The following UPK1B variants were observed in gnomAD, a reference collection of about 807,000 sequenced individuals.
UPK1B encodes uroplakin-1b.
In UPK1B, 28 loss-of-function variants were observed where a neutral mutation model predicts 34.2. The ratio of observed to expected loss-of-function variants is 0.82; its 90% confidence interval spans 0.61 to 1.12. UPK1B has a LOEUF of 1.12. UPK1B is among the 50% of genes most tolerant of loss of function. The pLI, the probability that UPK1B is intolerant of heterozygous loss-of-function variation, is 0.00. For synonymous variants in UPK1B, 81 were observed against 110.4 expected (o/e 0.73, Z 1.67); for missense variants, 325 against 320.9 (o/e 1.01, Z -0.10).
At position 119,187,831 on chromosome 3, in the gene UPK1B, C is replaced by A; in HGVS notation, c.126C>A (p.Ser42Arg). 1.2e-6 allele frequency: 2 copies of A among 1,614,002 alleles called. No homozygotes were observed. The highest frequency in any genetic ancestry group is 1.3e-5 in the African/African-American group (1 of 74,950). Residue 42 changes from serine (S) to arginine (R), a missense_variant, in exon 3 of 8, where the codon AGC becomes AGA. By Grantham distance (110) the Ser-to-Arg change is moderately radical (BLOSUM62 -1). Coordinates refer to ENST00000264234, the MANE Select transcript of UPK1B (RefSeq NM_006952.4). ...TCTTCTTTGTATCTGACCAACACAG[C>A]CTCTACCCACTGCTTGAAGCCACCG... The part of the protein sequence containing the change: ...ECIFFVSDQH[S>R]LYPLLEATDN...
chr3:119,174,793 T>C (rs967019742), intron 1 of UPK1B, among the ~76,000 whole-genome samples: 3 of 152,034 alleles, frequency 2.0e-5, no homozygotes, highest in Non-Finnish European at 4.4e-5. Flanking sequence ...TTCTTTTTAT[T>C]AACCTTCTCA....
In UPK1B at chr3:119,187,978, A is replaced by G. The variant is rs1242803451; in HGVS notation, c.270+3A>G. 7.4e-6 allele frequency: 12 copies of G among 1,614,018 alleles called. No individual in the cohort carries two copies. The Admixed American group carries it at 2.0e-4, about 27-fold the overall frequency. ...CCAGCAGGAAAATTCTTCTGGCGGT[A>G]AGACCTCAAAATTCTCTGGAGTTGT... On this transcript the variant is annotated splice_donor_region_variant and intron_variant, in intron 3 of 7. Transcript: ENST00000264234.
chr3:119,203,240 C>G (rs2078100548), intron 7 of UPK1B, among the ~76,000 whole-genome samples: 1 of 144,966 alleles, frequency 6.9e-6, no homozygotes, highest in Non-Finnish European at 1.5e-5. Context: ...ACACAGGAGG[C>G]TGAGGCAGGA....
chr3:119,179,946 G>C (rs2077982015), intron 1 of UPK1B, among the ~76,000 whole-genome samples: 1 of 145,854 alleles, frequency 6.9e-6, no homozygotes, highest in African/African-American at 2.6e-5. Context: ...TTACAGGCAT[G>C]CGCCACCACC....
intron 7 of UPK1B, among the ~76,000 whole-genome samples, chr3:119,199,400 G>A (rs2078081690): frequency 6.6e-6 from 1 of 152,178 alleles, no homozygotes; most frequent in Non-Finnish European, 1.5e-5. Context: ...CCTTTAGAGG[G>A]CTGGAGAGCC....
chr3:119,179,335 GGA>G (rs1306071249), intron 1 of UPK1B, among the ~76,000 whole-genome samples: 4 of 50,936 alleles, frequency 7.9e-5, no homozygotes, highest in Admixed American at 4.8e-4. Context: ...AGAGAGAGAG[GGA>G]GAGAGAGAGA....
intron 3 of UPK1B, among the ~76,000 whole-genome samples, chr3:119,188,910 A>G (rs774219171): frequency 2.0e-4 from 30 of 152,138 alleles, no homozygotes; most frequent in South Asian, 4.1e-4. Flanking sequence ...CCTGGTTCCA[A>G]TGGATTACAG....
intron 2 of UPK1B, among the ~76,000 whole-genome samples, chr3:119,187,350 C>T (rs1351023647): frequency 6.6e-6 from 1 of 152,292 alleles, no homozygotes; most frequent in East Asian, 1.9e-4. Flanking sequence ...GGCTGAGATT[C>T]CTCATCTATA....
At position 119,196,692 on chromosome 3, in the gene UPK1B, A is replaced by G. The variant is rs532036878; in HGVS notation, c.648+2294A>G. 2.6e-5 allele frequency among the ~76,000 whole-genome samples: 4 copies of G among 151,882 alleles called. No homozygotes were observed. In the South Asian group the frequency reaches 8.3e-4, roughly 32 times the overall value. On this transcript the variant is annotated intron_variant, in intron 6 of 7. Coordinates refer to ENST00000264234, the MANE Select transcript of UPK1B (RefSeq NM_006952.4). ...GTAGCTGGGACTACAGGTGCACGCA[A>G]CCACACCCAGCTAATTTTTGTATTT... is the stretch of plus-strand genomic sequence containing the variant.
Position 119,186,693 on chromosome 3 carries a change from AT to A in UPK1B, c.-28-18del. The A allele has an allele frequency of 6.3e-7, 1 of 1,591,878 alleles. No homozygotes were observed. Among genetic ancestry groups the A allele is most frequent in the Non-Finnish European group, 8.6e-7 (1 of 1,162,170 alleles). Reference sequence around the variant, plus strand: ...TCATGTTACAGAAACTGTAGCAGTTATTTGGTAATGCTTTCAACAGTGCCTT... The same window carrying A: ...TCATGTTACAGAAACTGTAGCAGTTATTGGTAATGCTTTCAACAGTGCCTT... On this transcript the variant is annotated intron_variant, in intron 1 of 7. Coordinates refer to ENST00000264234, the MANE Select transcript of UPK1B (RefSeq NM_006952.4).
At chr3:119,200,111 A>G (rs2078084903) in intron 7 of UPK1B, among the ~76,000 whole-genome samples, 1 of 152,188 alleles carries the variant, frequency 6.6e-6, no homozygotes, top group African/African-American at 2.4e-5. Context: ...AGGTTGAATG[A>G]TCTGGAGAAA....
intron 7 of UPK1B, among the ~76,000 whole-genome samples, chr3:119,203,544 C>T (rs1281383959): frequency 6.6e-6 from 1 of 151,936 alleles, no homozygotes; most frequent in African/African-American, 2.4e-5. Context: ...CAAACTAACA[C>T]AGGAACAGGA....
At chr3:119,177,605 T>G (rs1026336332) in intron 1 of UPK1B, among the ~76,000 whole-genome samples, 3 of 152,232 alleles carry the variant, frequency 2.0e-5, no homozygotes, top group Non-Finnish European at 4.4e-5. Flanking sequence ...ATTACATATC[T>G]TCTAAGACAA....
chr3:119,186,722 G>C lies in UPK1B; in HGVS notation c.-20G>C. 1.9e-6 allele frequency: 3 copies of C among 1,613,860 alleles called. No individual in the cohort carries two copies. Among genetic ancestry groups the C allele is most frequent in the Non-Finnish European group, 2.5e-6 (3 of 1,179,908 alleles). On this transcript the variant is annotated 5_prime_UTR_variant, in exon 2 of 8. Transcript: ENST00000264234. ...GGTAATGCTTTCAACAGTGCCTTCAGCTTGTGGGAAATCCCGAAGATGGCC... is the reference window on the plus strand; with the variant it reads ...GGTAATGCTTTCAACAGTGCCTTCACCTTGTGGGAAATCCCGAAGATGGCC...
rs1559901866 is a variant in UPK1B, at chr3:119,187,771, C to G, written c.70-4C>G. ...GATGGAGCCCACCTTTCATTTGCCC[C>G]CAGTGTTGCGGCATTGCCCTGACTG... is the stretch of plus-strand genomic sequence containing the variant. On this transcript the variant is annotated splice_polypyrimidine_tract_variant and splice_region_variant and intron_variant, in intron 2 of 7. Coordinates refer to ENST00000264234, the MANE Select transcript of UPK1B (RefSeq NM_006952.4). 1.2e-6 allele frequency: 2 copies of G among 1,613,804 alleles called. No homozygotes were observed. The highest frequency in any genetic ancestry group is 1.7e-6 in the Non-Finnish European group (2 of 1,179,950).
intron 7 of UPK1B, among the ~76,000 whole-genome samples, chr3:119,201,707 C>A (rs2078091331): frequency 6.6e-6 from 1 of 152,168 alleles, no homozygotes; most frequent in Admixed American, 6.5e-5. Context: ...AAATCAACTC[C>A]TTCAAGGGGT....
chr3:119,200,066 T>G (rs181522301), intron 7 of UPK1B, among the ~76,000 whole-genome samples: 155 of 152,328 alleles, frequency 1.0e-3, no homozygotes, highest in African/African-American at 3.6e-3. Flanking sequence ...TTCTCATATT[T>G]GCACCTTCAT....
At position 119,184,306 on chromosome 3, in the gene UPK1B, G is replaced by C. The variant is rs764212102; in HGVS notation, c.-28-2408G>C. On this transcript the variant is annotated intron_variant, in intron 1 of 7. Transcript: ENST00000264234. ...GCCACCTCCCTTGATCGGGGCCCCT[G>C]CAGTTCCTTTCTGGACCAATAAAGC... is the stretch of plus-strand genomic sequence containing the variant. Among the ~76,000 whole-genome samples, 10 of 152,288 alleles carry C rather than the reference G, an allele frequency of 6.6e-5. No homozygotes were observed. The South Asian group carries it at 2.1e-3, about 32-fold the overall frequency.
At chr3:119,179,039 T>TAAAGGGTAAACACATAAAGGGTAAAC (rs2077972775) in intron 1 of UPK1B, among the ~76,000 whole-genome samples, 1 of 151,938 alleles carries the variant, frequency 6.6e-6, no homozygotes, top group Non-Finnish European at 1.5e-5. Flanking sequence ...CAAAAGGAGA[T>TAAAGGGTAAACACATAAAGGGTAAAC]ACATAAAGAG....
Sources: gnomAD v4.1 joint callset for allele counts (sites outside exome capture counted in the v4.1 genomes callset) on GRCh38, gnomAD v4.1.1 for gene constraint, MANE v1.5 for transcripts, NCBI Gene and HGNC (gene_info 2026-07-23, HGNC 2026-07-21) for gene names.